The following PCDHA4 variants were observed in gnomAD, a reference collection of about 807,000 sequenced individuals.
PCDHA4 encodes protocadherin alpha-4.
Under a neutral mutation model 61.4 loss-of-function variants are expected in PCDHA4, and 49 were observed. The ratio of observed to expected loss-of-function variants is 0.80; its 90% CI spans 0.63 to 1.01. The LOEUF (loss-of-function observed/expected upper bound fraction) is 1.01. PCDHA4 is among the 50% of genes least tolerant of loss of function. The pLI is 0.00. For missense variants in PCDHA4, 1,254 were observed against 1,235.8 expected (o/e 1.01, Z -0.22); for synonymous variants, 590 against 550.3 (o/e 1.07, Z -1.01).
At chr5:140,828,188 T>A (rs2150152126) in intron 1 of PCDHA4, 3 of 1,614,140 alleles carry the variant, frequency 1.9e-6, no homozygotes, top group Non-Finnish European at 2.5e-6. Flanking sequence ...CCAGCTCCAC[T>A]ACTCCGTACC....
At chr5:140,827,540 TAA>T (rs2150148064) in intron 1 of PCDHA4, among the ~76,000 whole-genome samples, 8,865 of 152,224 alleles carry the variant, frequency 0.058, 846 homozygotes, top group African/African-American at 0.2. Context: ...TTGATAATTT[TAA>T]GTTACATTTT....
chr5:140,867,871 A>G (rs1450375674), intron 1 of PCDHA4: 1 of 152,152 alleles, frequency 6.6e-6, no homozygotes, highest in Non-Finnish European at 1.5e-5. Flanking sequence ...TTAATTTTCT[A>G]TGTTTTAAGC....
intron 3 of PCDHA4, among the ~76,000 whole-genome samples, chr5:140,993,758 T>C (rs1205942777): frequency 6.6e-6 from 1 of 152,226 alleles, no homozygotes; most frequent in Non-Finnish European, 1.5e-5. Flanking sequence ...GCCATTATAT[T>C]ACAATTGCGC....
At position 140,859,521 on chromosome 5, in the gene PCDHA4, A is replaced by T. The variant is rs187641727; in HGVS notation, c.2385+49949A>T. 138 of 194,130 alleles carry T rather than the reference A, an allele frequency of 7.1e-4. 7 individuals are homozygous for T. The highest frequency in any genetic ancestry group is 1.9e-3 in the East Asian group (11 of 5,678). 12.0% of individuals were successfully genotyped at this position (194,130 alleles called of 1,614,324 possible). A position where few individuals can be genotyped will look rare whatever the true frequency, so the allele number is the denominator to read the frequency against. On this transcript the variant is annotated intron_variant, in intron 1 of 3. Coordinates refer to ENST00000530339, the MANE Select transcript of PCDHA4 (RefSeq NM_018907.4). ...ACCTGATACCCATGATTTCATTTTTAAAAAAAATTTATTAATTCTAGTGTT... is the reference window on the plus strand; with the variant it reads ...ACCTGATACCCATGATTTCATTTTTTAAAAAAATTTATTAATTCTAGTGTT...
chr5:140,869,880 T>C (rs923843539), intron 1 of PCDHA4: 12 of 1,610,162 alleles, frequency 7.5e-6, no homozygotes, highest in South Asian at 3.3e-5. Flanking sequence ...CTAAAGAAAC[T>C]CTTGTGCTCA....
At chr5:140,893,229 G>A (rs922723551) in intron 1 of PCDHA4, among the ~76,000 whole-genome samples, 3 of 152,212 alleles carry the variant, frequency 2.0e-5, no homozygotes, top group Non-Finnish European at 4.4e-5. Context: ...GTATCACTTT[G>A]ACATACTGGT....
At chr5:140,991,409 T>C (rs1554252146) in intron 3 of PCDHA4, among the ~76,000 whole-genome samples, 2 of 152,232 alleles carry the variant, frequency 1.3e-5, no homozygotes, top group Non-Finnish European at 1.5e-5. Flanking sequence ...TTTCCCATTA[T>C]GCTATAACAA....
intron 1 of PCDHA4, chr5:140,870,409 G>A (rs2051982376): frequency 1.9e-6 from 3 of 1,614,226 alleles, no homozygotes; most frequent in African/African-American, 1.3e-5. Context: ...TTCTCTGTGG[G>A]CCACGGCCAG....
In PCDHA4 at chr5:140,828,503, C is replaced by A. The variant is rs1165644843; in HGVS notation, c.2385+18931C>A. ...CCCGCCCTTGTTCCCGGTAGAGGAA[C>A]AAAGAGTGCTGATTTACGAATCTAG... On this transcript the variant is annotated intron_variant, in intron 1 of 3. Transcript: ENST00000530339. The A allele has an allele frequency of 1.9e-6, 3 of 1,614,120 alleles. No individual in the cohort carries two copies. Among genetic ancestry groups the A allele is most frequent in the Admixed American group, 1.7e-5 (1 of 60,002 alleles).
At position 140,870,104 on chromosome 5, in the gene PCDHA4, C is replaced by G. The variant is rs782066407; in HGVS notation, c.2385+60532C>G. 3.1e-6 allele frequency: 5 copies of G among 1,613,930 alleles called. No individual in the cohort carries two copies. The Admixed American group carries it at 8.3e-5, about 27-fold the overall frequency. ...ACTCCCCCAATGGCAGGTCACTGTACAGTCTGGGTGGAAATCTTGGACACC... is the reference window on the plus strand; with the variant it reads ...ACTCCCCCAATGGCAGGTCACTGTAGAGTCTGGGTGGAAATCTTGGACACC... On this transcript the variant is annotated intron_variant, in intron 1 of 3. Coordinates refer to ENST00000530339, the MANE Select transcript of PCDHA4 (RefSeq NM_018907.4).
In PCDHA4 at chr5:140,857,214, C is replaced by T. The variant is rs193920994; in HGVS notation, c.2385+47642C>T. ...AACGGACAGGTCACCTGCTCTCTGA[C>T]GCCTCACGTTCCGTTCAAGCTGGTG... is the stretch of plus-strand genomic sequence containing the variant. On this transcript the variant is annotated intron_variant, in intron 1 of 3. Transcript: ENST00000530339. 5 of 1,598,500 alleles carry T rather than the reference C, an allele frequency of 3.1e-6. 1 individual carries two copies. Among genetic ancestry groups the T allele is most frequent in the Non-Finnish European group, 3.4e-6 (4 of 1,167,936 alleles).
Position 140,982,513 on chromosome 5 carries a change from G to A in PCDHA4, c.2483G>A (p.Gly828Asp). Residue 828 changes from glycine (G) to aspartate (D), a missense_variant, in exon 3 of 4, where the codon GGT (glycine) becomes GAT (aspartate). Transcript: ENST00000530339. ...HLEEAGILRA[G>D]PGGPDQQWPT... is the part of the protein sequence containing the mutation. ...GAGGAGGCTGGCATTCTACGGGCTGGTCCAGGAGGGCCTGATCAGCAGTGG... is the reference window on the plus strand; with the variant it reads ...GAGGAGGCTGGCATTCTACGGGCTGATCCAGGAGGGCCTGATCAGCAGTGG... The A allele has an allele frequency of 6.2e-7, 1 of 1,614,194 alleles. No individual in the cohort carries two copies. Among genetic ancestry groups the A allele is most frequent in the Non-Finnish European group, 8.5e-7 (1 of 1,180,032 alleles).
chr5:140,941,175 C>G (rs1344326389), intron 1 of PCDHA4, among the ~76,000 whole-genome samples: 1 of 145,416 alleles, frequency 6.9e-6, no homozygotes, highest in Admixed American at 6.8e-5. Flanking sequence ...CCATCTTGAA[C>G]ATCCTGCTTC....
chr5:140,937,911 CAA>C (rs200797202), intron 1 of PCDHA4, among the ~76,000 whole-genome samples: 76 of 117,920 alleles, frequency 6.4e-4, no homozygotes, highest in Admixed American at 7.8e-4. Context: ...GACTCCGTCT[CAA>C]AAAAAAAAAA....
At chr5:140,904,558 T>C (rs1288543737) in intron 1 of PCDHA4, among the ~76,000 whole-genome samples, 1 of 152,082 alleles carries the variant, frequency 6.6e-6, no homozygotes, top group Non-Finnish European at 1.5e-5. Flanking sequence ...ATAATGACTT[T>C]TTTTTCCTCT....
intron 1 of PCDHA4, among the ~76,000 whole-genome samples, chr5:140,946,098 A>G (rs1249581075): frequency 6.6e-6 from 1 of 152,114 alleles, no homozygotes; most frequent in Non-Finnish European, 1.5e-5. Flanking sequence ...AGGAGTTAAC[A>G]TACCAAATAT....
chr5:140,850,663 G>C (rs2150492641), intron 1 of PCDHA4: 11 of 1,598,502 alleles, frequency 6.9e-6, no homozygotes, highest in African/African-American at 1.3e-5. Context: ...GTGCTGCGGT[G>C]CTCGGCGATG....
chr5:140,838,077 A>AGTGTGTGT (rs57130401), intron 1 of PCDHA4, among the ~76,000 whole-genome samples: 22 of 80,694 alleles, frequency 2.7e-4, no homozygotes, highest in South Asian at 8.5e-4. Flanking sequence ...ATATATATAT[A>AGTGTGTGT]GTGTGTGTGT....
intron 1 of PCDHA4, among the ~76,000 whole-genome samples, chr5:140,955,670 T>C (rs1212129993): frequency 6.6e-6 from 1 of 152,140 alleles, no homozygotes; most frequent in East Asian, 1.9e-4. Flanking sequence ...TTTAACATAG[T>C]TTTTTCGAAA....
Sources: allele counts gnomAD v4.1 joint callset (sites outside exome capture counted in the v4.1 genomes callset), GRCh38; gene constraint gnomAD v4.1.1; transcripts MANE v1.5; gene names NCBI Gene and HGNC (gene_info 2026-07-23, HGNC 2026-07-21).